Variants in ANK2 observed in about 807,000 individuals in gnomAD.
ANK2 encodes the protein ankyrin-2.
In ANK2, 83 loss-of-function variants were observed where a neutral mutation model predicts 360.5. That is an observed-to-expected ratio of 0.23 (90% CI 0.19 to 0.28). The LOEUF is 0.28. Among genes scored for constraint, ANK2 ranks in the 10% least tolerant of loss-of-function variants. ANK2 has a pLI of 1.00. For synonymous variants in ANK2, 1,740 were observed against 1,759.5 expected, an observed-to-expected ratio of 0.99 and a Z score of 0.28; for missense variants, 4,201 against 4,795.7, an observed-to-expected ratio of 0.88 and a Z score of 3.66.
intron 4 of ANK2, among the ~76,000 whole-genome samples, chr4:113,202,663 A>G (rs546216984): frequency 6.6e-6 from 1 of 152,216 alleles, no homozygotes; most frequent in Non-Finnish European, 1.5e-5. Flanking sequence ...CAAGGAATAT[A>G]TTCAGTAAAA....
chr4:112,754,335 C>T, the ANK2 span, among the ~76,000 whole-genome samples: 1 of 151,020 alleles, frequency 6.6e-6, no homozygotes, highest in African/African-American at 2.4e-5. Flanking sequence ...GCCCCGGTTT[C>T]CTTTTGCCAT....
chr4:112,893,467 C>A (rs550165807), intron 1 of ANK2, among the ~76,000 whole-genome samples: 20 of 152,222 alleles, frequency 1.3e-4, no homozygotes, highest in South Asian at 4.1e-4. Context: ...CCAGCTAGCA[C>A]CTTAAATCTT....
chr4:113,012,220 A>G (rs771807879), intron 2 of ANK2, among the ~76,000 whole-genome samples: 1 of 152,174 alleles, frequency 6.6e-6, no homozygotes, highest in Non-Finnish European at 1.5e-5. Context: ...ATGATTCAGG[A>G]CCTGGAGTTA....
intron 17 of ANK2, among the ~76,000 whole-genome samples, chr4:113,281,317 C>T (rs532444637): frequency 2.0e-4 from 31 of 152,130 alleles, no homozygotes; most frequent in African/African-American, 7.0e-4. Flanking sequence ...GTGGGCAGAT[C>T]GCTTGAGCTC....
chr4:112,736,247 G>A, the ANK2 span, among the ~76,000 whole-genome samples: 38 of 152,226 alleles, frequency 2.5e-4, no homozygotes, highest in East Asian at 6.4e-3. Flanking sequence ...CAGATTGCCT[G>A]AGCTCAGGAG....
chr4:112,840,844 A>G (rs1012836086), intron 1 of ANK2, among the ~76,000 whole-genome samples: 6 of 152,228 alleles, frequency 3.9e-5, no homozygotes, highest in Non-Finnish European at 7.3e-5. Flanking sequence ...ATTCCAACCC[A>G]GGGAGTGTGA....
At chr4:113,019,513 T>C (rs1579174264) in intron 2 of ANK2, among the ~76,000 whole-genome samples, 1 of 152,242 alleles carries the variant, frequency 6.6e-6, no homozygotes, top group South Asian at 2.1e-4. Context: ...TAAATACAAC[T>C]ATTTTTCTTG....
At chr4:112,843,667 T>G (rs186019897) in intron 1 of ANK2, among the ~76,000 whole-genome samples, 1 of 152,158 alleles carries the variant, frequency 6.6e-6, no homozygotes, top group South Asian at 2.1e-4. Context: ...TCCCAAAAAA[T>G]GAAAATTTTT....
intron 4 of ANK2, among the ~76,000 whole-genome samples, chr4:113,224,876 GT>G (rs11325379): frequency 0.63 from 83,326 of 133,254 alleles, 25,253 homozygotes; most frequent in South Asian, 0.74. Flanking sequence ...GATCTTTGAA[GT>G]TTTTTTTTTT....
intron 1 of ANK2, among the ~76,000 whole-genome samples, chr4:113,098,133 C>T (rs1442040886): frequency 5.9e-5 from 9 of 151,310 alleles, no homozygotes; most frequent in Non-Finnish European, 4.4e-5. Context: ...ATCCATCAAT[C>T]TAAGCTTTTA....
rs371475487 is a variant in ANK2 at position 113,174,396 on chromosome 4, G to A, written c.85-20G>A. 3.8e-6 allele frequency: 6 copies of A among 1,584,956 alleles called. No homozygotes were observed. The highest frequency in any genetic ancestry group is 5.2e-6 in the Non-Finnish European group (6 of 1,156,762). On this transcript the variant is annotated intron_variant, in intron 1 of 45. Transcript: ENST00000357077. ...CTATTTCATCAATAGTTCATTAAAG[G>A]TCTTTTATTTTTCTCGCAGTCTGAC... is the stretch of plus-strand genomic sequence containing the variant.
chr4:113,343,616 T>G (rs994696904), intron 34 of ANK2, among the ~76,000 whole-genome samples: 2 of 152,198 alleles, frequency 1.3e-5, no homozygotes, highest in African/African-American at 4.8e-5. Context: ...TTTTCATAAA[T>G]TCATTCAATA....
chr4:113,267,214 G>C (rs558347042), intron 14 of ANK2, among the ~76,000 whole-genome samples: 60 of 152,282 alleles, frequency 3.9e-4, no homozygotes, highest in African/African-American at 1.4e-3. Context: ...TGTTCACTCT[G>C]ATGATAGTTT....
intron 15 of ANK2, among the ~76,000 whole-genome samples, chr4:113,276,350 A>G (rs29393): frequency 0.18 from 27,063 of 152,142 alleles, 3,109 homozygotes; most frequent in African/African-American, 0.33. Context: ...ACATAAAGGA[A>G]GAAGGCAGAT....
At chr4:112,811,162 T>C in the ANK2 span, among the ~76,000 whole-genome samples, 6 of 151,760 alleles carry the variant, frequency 4.0e-5, no homozygotes, top group South Asian at 2.1e-4. Flanking sequence ...TGGTCTAGAT[T>C]TCCTGACCTC....
intron 1 of ANK2, chr4:112,826,812 C>T (rs1159193554): frequency 1.7e-6 from 2 of 1,204,838 alleles, no homozygotes; most frequent in East Asian, 4.6e-5. Context: ...ATCTTCTACT[C>T]AAAAAAATAA....
upstream of ANK2, among the ~76,000 whole-genome samples, chr4:113,046,468 A>G (rs1227934043): frequency 6.6e-6 from 1 of 152,044 alleles, no homozygotes; most frequent in Non-Finnish European, 1.5e-5. Context: ...GGAGGTGATT[A>G]AGTCACGAGG....
At chr4:113,027,567 G>C (rs1186467728) in intron 2 of ANK2, among the ~76,000 whole-genome samples, 1 of 152,088 alleles carries the variant, frequency 6.6e-6, no homozygotes, top group Non-Finnish European at 1.5e-5. Flanking sequence ...CTGCCCTGGA[G>C]ACTGCAGCAT....
At chr4:113,051,194 C>T (rs999867666) in intron 1 of ANK2, among the ~76,000 whole-genome samples, 4 of 151,728 alleles carry the variant, frequency 2.6e-5, no homozygotes, top group East Asian at 1.9e-4. Flanking sequence ...AGAGAGAGCG[C>T]GAGCAAGCAA....
Sources: allele counts gnomAD v4.1 joint callset (sites outside exome capture counted in the v4.1 genomes callset), GRCh38; gene constraint gnomAD v4.1.1; transcripts MANE v1.5; gene names NCBI Gene and HGNC (gene_info 2026-07-23, HGNC 2026-07-21).